Variants in ASAP2 observed in about 807,000 individuals in gnomAD.
ASAP2 encodes the protein arf-GAP with SH3 domain, ANK repeat and PH domain-containing protein 2.
In ASAP2, 45 loss-of-function variants were observed where a neutral mutation model predicts 131.4. That is an observed-to-expected ratio of 0.34 (90% CI 0.27 to 0.44). ASAP2 has a LOEUF of 0.44. ASAP2 is among the 20% of genes least tolerant of loss of function. The pLI, the probability that ASAP2 is intolerant of heterozygous loss-of-function variation, is 1.00. For missense variants in ASAP2, 1,011 were observed against 1,297.0 expected, an observed-to-expected ratio of 0.78 and a Z score of 3.39; for synonymous variants, 510 against 503.0, an observed-to-expected ratio of 1.01 and a Z score of -0.19.
chr2:9,258,690 C>T (rs1221974753), intron 1 of ASAP2, among the ~76,000 whole-genome samples: 3 of 152,212 alleles, frequency 2.0e-5, no homozygotes, highest in Non-Finnish European at 4.4e-5. Context: ...TGCTGACTCT[C>T]TTGTGGCTGT....
At chr2:9,278,372 G>T (rs1483013485) in intron 1 of ASAP2, among the ~76,000 whole-genome samples, 2 of 152,060 alleles carry the variant, frequency 1.3e-5, no homozygotes, top group Non-Finnish European at 2.9e-5. Context: ...AATTAGCTGG[G>T]CATGGTGGCA....
In ASAP2 at chr2:9,400,842, GC is replaced by G. The variant is rs569355710; in HGVS notation, c.2823+17del. On this transcript the variant is annotated intron_variant, in intron 26 of 27. Transcript: ENST00000281419. ...GGAAGTCGCAGGCAGTAAGTGACGA[GC>G]CCCCTTTCCTGCCTCTCTGCTCTAG... is the stretch of plus-strand genomic sequence containing the variant. 1,058 of 1,611,124 alleles carry G rather than the reference GC, an allele frequency of 6.6e-4. 6 individuals are homozygous for G. In the African/African-American group the frequency reaches 0.013, roughly 19 times the overall value.
chr2:9,238,995 G>C (rs1455099041), intron 1 of ASAP2, among the ~76,000 whole-genome samples: 1 of 152,200 alleles, frequency 6.6e-6, no homozygotes, highest in African/African-American at 2.4e-5. Context: ...GAGGGGTAGA[G>C]AAAGAGTGGC....
rs1040585028 is a variant in ASAP2, at chr2:9,207,279, G to C, written c.126+49G>C. On this transcript the variant is annotated intron_variant, in intron 1 of 27. Coordinates refer to ENST00000281419, the MANE Select transcript of ASAP2 (RefSeq NM_003887.3). The surrounding 1 kb of genome is among the most constrained non-coding windows in gnomAD (Gnocchi z 4.1). ...CCGGCCGCAGGTATCCCGCGCCCCA[G>C]CCCCGCCCGCCGCTCCCGCATCCGC... is the stretch of plus-strand genomic sequence containing the variant. 6.9e-7 allele frequency: 1 copy of C among 1,458,294 alleles called. No homozygotes were observed. Among genetic ancestry groups the C allele is most frequent in the Non-Finnish European group, 9.0e-7 (1 of 1,110,586 alleles). 90.3% of individuals were successfully genotyped at this position (1,458,294 alleles called of 1,614,324 possible). A position where few individuals can be genotyped will look rare whatever the true frequency, so the allele number is the denominator to read the frequency against.
At chr2:9,227,188 A>G (rs977281401) in intron 1 of ASAP2, among the ~76,000 whole-genome samples, 17 of 152,010 alleles carry the variant, frequency 1.1e-4, no homozygotes, top group African/African-American at 3.9e-4. Flanking sequence ...CACTTCCTCC[A>G]TTATCCCCAC....
chr2:9,254,749 G>A (rs775428325), intron 1 of ASAP2, among the ~76,000 whole-genome samples: 12 of 151,766 alleles, frequency 7.9e-5, no homozygotes, highest in Admixed American at 1.3e-4. Flanking sequence ...GGTACTGTCT[G>A]GTTTCAGGCA....
intron 1 of ASAP2, among the ~76,000 whole-genome samples, chr2:9,220,581 G>C (rs925679875): frequency 1.3e-5 from 2 of 152,090 alleles, no homozygotes; most frequent in African/African-American, 4.8e-5. Context: ...TTTTATTGTT[G>C]AGTTGTAATC....
intron 3 of ASAP2, among the ~76,000 whole-genome samples, chr2:9,302,346 T>C (rs1284548519): frequency 6.6e-6 from 1 of 151,412 alleles, no homozygotes; most frequent in African/African-American, 2.4e-5. Flanking sequence ...CTAATTTTTA[T>C]ATTTTTAGCA....
chr2:9,208,411 GT>G (rs774423539), intron 1 of ASAP2, among the ~76,000 whole-genome samples: 2,376 of 130,146 alleles, frequency 0.018, 52 homozygotes, highest in African/African-American at 0.058. Flanking sequence ...TTTTTTTCTG[GT>G]TTTTTTTTTT....
chr2:9,343,496 G>C (rs1671737993), intron 9 of ASAP2, among the ~76,000 whole-genome samples: 1 of 152,134 alleles, frequency 6.6e-6, no homozygotes, highest in African/African-American at 2.4e-5. Flanking sequence ...ACTGAGGTTG[G>C]AGTGCAGTGG....
chr2:9,348,651 T>C (rs746841256), intron 11 of ASAP2, among the ~76,000 whole-genome samples: 1 of 152,272 alleles, frequency 6.6e-6, no homozygotes, highest in African/African-American at 2.4e-5. Context: ...TTTTTTAATA[T>C]GTAGGCACAT....
chr2:9,254,254 T>TACAC (rs1186415582), intron 1 of ASAP2, among the ~76,000 whole-genome samples: 9 of 65,764 alleles, frequency 1.4e-4, no homozygotes, highest in African/African-American at 6.6e-4. Context: ...TATATATATA[T>TACAC]ACACGTGTGT....
intron 1 of ASAP2, among the ~76,000 whole-genome samples, chr2:9,239,195 T>C (rs1663766364): frequency 6.6e-6 from 1 of 152,262 alleles, no homozygotes. Flanking sequence ...TTTTAGCTTG[T>C]TAGTGTGGTG....
intron 7 of ASAP2, among the ~76,000 whole-genome samples, chr2:9,333,706 C>CA (rs1413323166): frequency 6.6e-6 from 1 of 152,128 alleles, no homozygotes; most frequent in Non-Finnish European, 1.5e-5. Flanking sequence ...GGCCTCATTA[C>CA]AGGTTAGAAC....
intron 3 of ASAP2, among the ~76,000 whole-genome samples, chr2:9,316,751 G>A (rs545907728): frequency 2.0e-5 from 3 of 152,180 alleles, no homozygotes; most frequent in South Asian, 2.1e-4. Flanking sequence ...CTTGCTCCTC[G>A]TGTACCTGTT....
chr2:9,303,126 C>T (rs1668602917), intron 3 of ASAP2, among the ~76,000 whole-genome samples: 1 of 152,168 alleles, frequency 6.6e-6, no homozygotes, highest in African/African-American at 2.4e-5. Flanking sequence ...TCTTAAATGT[C>T]TTACTTTGTT....
intron 18 of ASAP2, 106 bp from the exon 19 acceptor site, chr2:9,378,838 A>G (rs1042266176): frequency 4.8e-5 from 32 of 673,386 alleles, no homozygotes; most frequent in Non-Finnish European, 7.0e-5. Context: ...TCACTCGGGG[A>G]CTGTCTGCCT....
At chr2:9,258,263 C>A (rs1665304445) in intron 1 of ASAP2, among the ~76,000 whole-genome samples, 1 of 143,520 alleles carries the variant, frequency 7.0e-6, no homozygotes. Context: ...AAAAAAATTT[C>A]TATGATTACC....
At chr2:9,225,038 C>G (rs1362880393) in intron 1 of ASAP2, among the ~76,000 whole-genome samples, 1 of 152,178 alleles carries the variant, frequency 6.6e-6, no homozygotes, top group Admixed American at 6.5e-5. Context: ...CCAGGGTTGT[C>G]CCTGTTTGGT....
Sources: gnomAD v4.1 joint callset for allele counts (sites outside exome capture counted in the v4.1 genomes callset) on GRCh38, gnomAD v4.1.1 for gene constraint, Gnocchi (gnomAD v3.1) non-coding constraint, MANE v1.5 for transcripts, NCBI Gene and HGNC (gene_info 2026-07-23, HGNC 2026-07-21) for gene names.